The following SCEL variants were observed in gnomAD, a reference collection of about 807,000 sequenced individuals.
The protein encoded by SCEL is sciellin.
SCEL carries 113 observed loss-of-function variants against 117.6 expected under a neutral mutation model. That is an observed-to-expected ratio of 0.96 (90% CI 0.83 to 1.12). SCEL has a LOEUF of 1.12. Among genes scored for constraint, SCEL ranks in the 50% most tolerant of loss-of-function variants. The pLI is 0.00. For missense variants in SCEL, 785 were observed against 810.8 expected (o/e 0.97, Z 0.39); for synonymous variants, 270 against 256.2 (o/e 1.05, Z -0.51).
chr13:77,635,820 GTC>G (rs1422465126), intron 29 of SCEL, among the ~76,000 whole-genome samples: 1 of 152,020 alleles, frequency 6.6e-6, no homozygotes, highest in Non-Finnish European at 1.5e-5. Context: ...TCAAAGCATA[GTC>G]TCTGGGCCAG....
intron 31 of SCEL, 49 bp downstream of exon 31, chr13:77,640,833 C>G (rs1008994117): frequency 2.1e-6 from 2 of 958,910 alleles, no homozygotes; most frequent in East Asian, 2.7e-5. Flanking sequence ...TGCATAATAA[C>G]TGGAATAAAA....
rs1162121690 is a variant in SCEL, at chr13:77,572,200, G to C, written c.545+11G>C. 1.3e-6 allele frequency: 2 copies of C among 1,595,488 alleles called. No individual in the cohort carries two copies. The highest frequency in any genetic ancestry group is 1.7e-5 in the Admixed American group (1 of 59,640). On this transcript the variant is annotated intron_variant, in intron 9 of 32. Coordinates refer to ENST00000349847, the MANE Select transcript of SCEL (RefSeq NM_144777.3). Reference sequence around the variant, plus strand: ...AGGAACCAGGAGACGGTAAGGGAAAGGTGTCAGGCGTAATTGCTGTGCCAT... The same window carrying C: ...AGGAACCAGGAGACGGTAAGGGAAACGTGTCAGGCGTAATTGCTGTGCCAT...
intron 5 of SCEL, among the ~76,000 whole-genome samples, chr13:77,564,430 G>A (rs555259468): frequency 8.0e-4 from 121 of 152,116 alleles, no homozygotes; most frequent in Admixed American, 2.0e-3. Context: ...TGAGTCCAAC[G>A]TGTGTGCCTC....
At chr13:77,541,543 C>T (rs1382156906) in intron 1 of SCEL, among the ~76,000 whole-genome samples, 1 of 151,946 alleles carries the variant, frequency 6.6e-6, no homozygotes, top group Admixed American at 6.6e-5. Flanking sequence ...TTAGAAACAA[C>T]AGAGGAATGA....
chr13:77,570,937 A>G (rs112375584), intron 8 of SCEL, among the ~76,000 whole-genome samples: 6 of 151,704 alleles, frequency 4.0e-5, no homozygotes, highest in African/African-American at 1.2e-4. Context: ...GGTTTAACCA[A>G]TTATTTGCCT....
intron 6 of SCEL, 26 bp from the exon 7 acceptor site, chr13:77,568,269 A>G: frequency 6.7e-7 from 1 of 1,502,002 alleles, no homozygotes; most frequent in Non-Finnish European, 9.2e-7. Flanking sequence ...CATTGTTCAA[A>G]CTTTGCTTTC....
rs754222267 is a variant in SCEL at position 77,642,827 on chromosome 13, G to A, written c.2050+19G>A. ...ATTATGGGTAAGTGTTACACTCTAAGCATTTAACACTTTGGTTAACCTTAA... is the reference window on the plus strand; with the variant it reads ...ATTATGGGTAAGTGTTACACTCTAAACATTTAACACTTTGGTTAACCTTAA... On this transcript the variant is annotated intron_variant, in intron 32 of 32. Coordinates refer to ENST00000349847, the MANE Select transcript of SCEL (RefSeq NM_144777.3). 1 of 1,367,772 alleles carries A rather than the reference G, an allele frequency of 7.3e-7. No individual in the cohort carries two copies. Among genetic ancestry groups the A allele is most frequent in the Non-Finnish European group, 1.0e-6 (1 of 985,232 alleles). The allele number at this position is 1,367,772 out of a possible 1,614,324, so 84.7% of individuals were successfully genotyped here.
chr13:77,635,637 G>A (rs547869688), intron 29 of SCEL, among the ~76,000 whole-genome samples: 2 of 152,174 alleles, frequency 1.3e-5, no homozygotes, highest in East Asian at 3.9e-4. Flanking sequence ...CATCGTACTC[G>A]AGATTTTTTA....
chr13:77,597,927 CA>C (rs1302145008), intron 13 of SCEL, among the ~76,000 whole-genome samples: 9 of 152,038 alleles, frequency 5.9e-5, no homozygotes, highest in Admixed American at 2.6e-4. Flanking sequence ...TTAACCATTA[CA>C]AAAAACATTT....
Position 77,644,266 on chromosome 13 carries a change from A to G in SCEL, c.2059A>G (p.Ile687Val). The G allele has an allele frequency of 6.2e-7, 1 of 1,613,228 alleles. No individual in the cohort carries two copies. The highest frequency in any genetic ancestry group is 8.5e-7 in the Non-Finnish European group (1 of 1,179,390). The part of the protein sequence containing the change: ...PCYSKIMAKW[I>V]P ...TTTCTTTTAATTTGCAGCAAAGTGG[A>G]TTCCATAACTCTGGCACAAGGAAAT... is the stretch of plus-strand genomic sequence containing the variant. Residue 687 changes from isoleucine to valine, a missense_variant, in exon 33 of 33, where the codon ATT becomes GTT. Physicochemically the swap from Ile to Val is conservative, Grantham distance 29. Coordinates refer to ENST00000349847, the MANE Select transcript of SCEL (RefSeq NM_144777.3).
chr13:77,584,426 T>C (rs140405816), intron 9 of SCEL, among the ~76,000 whole-genome samples: 1 of 152,266 alleles, frequency 6.6e-6, no homozygotes, highest in Non-Finnish European at 1.5e-5. Flanking sequence ...CCCTTGGAAA[T>C]AAACATGCTT....
intron 27 of SCEL, among the ~76,000 whole-genome samples, chr13:77,625,710 G>T (rs567427410): frequency 6.6e-6 from 1 of 152,262 alleles, no homozygotes; most frequent in Middle Eastern, 3.4e-3. Flanking sequence ...TATGTAAAAA[G>T]AGTATTAAAT....
intron 9 of SCEL, among the ~76,000 whole-genome samples, chr13:77,584,997 A>G (rs2086481220): frequency 6.6e-6 from 1 of 152,248 alleles, no homozygotes; most frequent in Admixed American, 6.5e-5. Flanking sequence ...CCTGGCACCT[A>G]GTAGGTGTTC....
chr13:77,617,781 C>A (rs1357091208), intron 25 of SCEL, 22 bp from the exon 26 acceptor site: 1 of 1,588,800 alleles, frequency 6.3e-7, no homozygotes, highest in East Asian at 2.2e-5. Context: ...AACCTGCTCT[C>A]ATTTTATTTT....
chr13:77,627,961 A>G lies in SCEL; in HGVS notation c.1643A>G (p.Glu548Gly). Residue 548 changes from glutamate to glycine, a missense_variant, in exon 28 of 33, where the codon GAA becomes GGA. Transcript: ENST00000349847. ...TTTTTCCTTAGAGACCAGAACCTGG[A>G]AAATTTAATTGAAGTAAATTCTCAT... ...LRNTNRDQNLENLIEVNSHVS... is the reference protein window; with the variant it reads ...LRNTNRDQNLGNLIEVNSHVS... 1 of 1,482,200 alleles carries G rather than the reference A, an allele frequency of 6.7e-7. No homozygotes were observed. 91.8% of individuals were successfully genotyped at this position (1,482,200 alleles called of 1,614,324 possible).
intron 11 of SCEL, 26 bp from the exon 12 acceptor site, chr13:77,593,488 C>T: frequency 6.4e-7 from 1 of 1,573,814 alleles, no homozygotes; most frequent in Non-Finnish European, 8.7e-7. Context: ...TATCATTGAC[C>T]TGTATTTATT....
intron 27 of SCEL, among the ~76,000 whole-genome samples, chr13:77,625,564 C>T (rs1404866358): frequency 6.6e-6 from 1 of 152,160 alleles, no homozygotes; most frequent in Non-Finnish European, 1.5e-5. Flanking sequence ...TCCACTGTTA[C>T]TCATTTAAAA....
intron 3 of SCEL, among the ~76,000 whole-genome samples, chr13:77,558,013 A>G (rs749821990): frequency 3.3e-5 from 5 of 152,256 alleles, no homozygotes; most frequent in Admixed American, 6.5e-5. Flanking sequence ...TTTTGGAGTT[A>G]GCACTATTGG....
Position 77,572,059 on chromosome 13 carries a change from T to G in SCEL, c.480-65T>G, listed in dbSNP as rs2085664467. On this transcript the variant is annotated intron_variant, in intron 8 of 32. Transcript: ENST00000349847. ...TTGTCTTTTTAACTGTCAAATTATT[T>G]TCAGACATGTGGGTGGGATCAGCCT... 2.2e-6 allele frequency: 3 copies of G among 1,334,784 alleles called. No homozygotes were observed. The Admixed American group carries it at 5.1e-5, about 23-fold the overall frequency. 82.7% of individuals were successfully genotyped at this position (1,334,784 alleles called of 1,614,324 possible).
Sources: allele counts gnomAD v4.1 joint callset (sites outside exome capture counted in the v4.1 genomes callset), GRCh38; gene constraint gnomAD v4.1.1; transcripts MANE v1.5; gene names NCBI Gene and HGNC (gene_info 2026-07-23, HGNC 2026-07-21).